Variants in ASAH2 observed in about 807,000 individuals in gnomAD.
The protein encoded by ASAH2 is neutral ceramidase.
ASAH2 carries 58 observed loss-of-function variants against 82.9 expected under a neutral mutation model. The observed-to-expected ratio is 0.70, with a 90% CI of 0.57 to 0.87. ASAH2 has a LOEUF of 0.87. Ranked by LOEUF, ASAH2 falls within the 40% of genes least tolerant of loss-of-function variation. The pLI is 0.00. For synonymous variants in ASAH2, 276 were observed against 289.7 expected, an observed-to-expected ratio of 0.95 and a Z score of 0.48; for missense variants, 779 against 834.0, an observed-to-expected ratio of 0.93 and a Z score of 0.81.
At chr10:50,239,041 C>A (rs1846229204) in intron 4 of ASAH2, among the ~76,000 whole-genome samples, 1 of 152,138 alleles carries the variant, frequency 6.6e-6, no homozygotes. Context: ...ACATTTATGT[C>A]TACCGCTCAC....
intron 8 of ASAH2, among the ~76,000 whole-genome samples, chr10:50,218,061 T>TTTCA (rs1265243712): frequency 6.6e-6 from 1 of 151,924 alleles, no homozygotes; most frequent in Non-Finnish European, 1.5e-5. Flanking sequence ...GAGGCAGAGG[T>TTTCA]TTCAATGAGC....
intron 4 of ASAH2, among the ~76,000 whole-genome samples, chr10:50,240,860 C>G (rs1450167450): frequency 6.6e-6 from 1 of 152,236 alleles, no homozygotes; most frequent in Non-Finnish European, 1.5e-5. Flanking sequence ...CATATGTCCA[C>G]AAAGTCTCAG....
intron 7 of ASAH2, among the ~76,000 whole-genome samples, chr10:50,221,207 C>T (rs1478450809): frequency 2.0e-5 from 3 of 152,034 alleles, no homozygotes. Flanking sequence ...GGTTTTGTCT[C>T]TTTCTCTTAG....
rs867373755 is a variant in ASAH2, at chr10:50,194,933, A to G, written c.2004+1840T>C. Reference sequence around the variant, plus strand: ...TAAATATAAAACCTGAAACTATAAAACAACTGAAAGAAAACCTAGAGGAAA... The same window carrying G: ...TAAATATAAAACCTGAAACTATAAAGCAACTGAAAGAAAACCTAGAGGAAA... On this transcript the variant is annotated intron_variant, in intron 18 of 20. Coordinates refer to ENST00000682911, the MANE Select transcript of ASAH2 (RefSeq NM_019893.4). 7.4e-3 allele frequency among the ~76,000 whole-genome samples: 1,123 copies of G among 151,678 alleles called. 13 individuals carry two copies. Among genetic ancestry groups the G allele is most frequent in the African/African-American group, 0.026 (1,075 of 41,432 alleles).
At chr10:50,244,195 A>G (rs2133233041) in intron 3 of ASAH2, among the ~76,000 whole-genome samples, 1 of 152,302 alleles carries the variant, frequency 6.6e-6, no homozygotes, top group South Asian at 2.1e-4. Context: ...GTATTTGGGA[A>G]CAAGATGTTG....
chr10:50,202,901 C>G lies in ASAH2; in HGVS notation c.1689G>C (p.Gln563His). 1 of 1,610,822 alleles carries G rather than the reference C, an allele frequency of 6.2e-7. No homozygotes were observed. Among genetic ancestry groups the G allele is most frequent in the Non-Finnish European group, 8.5e-7 (1 of 1,177,430 alleles). Residue 563 changes from glutamine (Q) to histidine (H), a missense_variant, in exon 16 of 21, where the codon CAG becomes CAC. Physicochemically the swap from Gln to His is conservative, Grantham distance 24. Coordinates refer to ENST00000682911, the MANE Select transcript of ASAH2 (RefSeq NM_019893.4). ...GACCTGAAATAACAACAGTCATGTT[C>G]TGCATCCCATGAGATGCAAATTCCT... ...VQAEFASHGM[Q>H]NMTVVISGLC...
intron 5 of ASAH2, 113 bp from the exon 6 acceptor site, chr10:50,234,665 G>T: frequency 7.0e-7 from 1 of 1,428,474 alleles, no homozygotes; most frequent in Non-Finnish European, 9.8e-7. Context: ...TCTCTAATGG[G>T]TCCACATTAC....
intron 7 of ASAH2, among the ~76,000 whole-genome samples, chr10:50,218,901 C>T (rs984671943): frequency 7.2e-5 from 11 of 152,126 alleles, no homozygotes; most frequent in African/African-American, 2.7e-4. Flanking sequence ...GGTCAGTTAC[C>T]AGATGACATA....
intron 9 of ASAH2, among the ~76,000 whole-genome samples, chr10:50,214,367 A>G (rs985091718): frequency 2.0e-5 from 3 of 152,206 alleles, no homozygotes; most frequent in African/African-American, 7.2e-5. Context: ...GTCTTATATT[A>G]AAAACCCTAT....
intron 18 of ASAH2, among the ~76,000 whole-genome samples, chr10:50,195,121 G>A (rs1271639393): frequency 6.7e-6 from 1 of 150,042 alleles, no homozygotes; most frequent in East Asian, 2.0e-4. Context: ...AAGAATGGGA[G>A]AAAACACTTG....
chr10:50,237,030 G>T (rs2133227265), intron 4 of ASAH2, among the ~76,000 whole-genome samples: 1 of 152,246 alleles, frequency 6.6e-6, no homozygotes, highest in Non-Finnish European at 1.5e-5. Flanking sequence ...AGAAAGTAGT[G>T]GGTGTTAGTG....
At position 50,214,506 on chromosome 10, in the gene ASAH2, G is replaced by C. The variant is rs1450277512; in HGVS notation, c.1140+237C>G. 2.0e-5 allele frequency among the ~76,000 whole-genome samples: 3 copies of C among 152,150 alleles called. No homozygotes were observed. The East Asian group carries it at 5.8e-4, about 29-fold the overall frequency. ...GGAAGGGTAGAGTTAATCTCTGACA[G>C]TTACTGAATTGTCTCACCATTCAAA... is the stretch of plus-strand genomic sequence containing the variant. On this transcript the variant is annotated intron_variant, in intron 9 of 20. Coordinates refer to ENST00000682911, the MANE Select transcript of ASAH2 (RefSeq NM_019893.4).
intron 4 of ASAH2, among the ~76,000 whole-genome samples, chr10:50,241,995 C>A (rs1846309724): frequency 6.6e-6 from 1 of 152,050 alleles, no homozygotes; most frequent in African/African-American, 2.4e-5. Context: ...TGTAACAAAA[C>A]TCCACGTTCT....
At chr10:50,210,497 T>C (rs1845423974) in intron 12 of ASAH2, among the ~76,000 whole-genome samples, 1 of 151,228 alleles carries the variant, frequency 6.6e-6, no homozygotes, top group Non-Finnish European at 1.5e-5. Context: ...CAAAATTCTG[T>C]CTCAAAAAAA....
In ASAH2 at chr10:50,243,217, T is replaced by C. The variant is rs770373985; in HGVS notation, c.495A>G (p.Gln165=). 1.2e-6 allele frequency: 2 copies of C among 1,614,068 alleles called. No homozygotes were observed. The highest frequency in any genetic ancestry group is 4.5e-5 in the East Asian group (2 of 44,886). Residue 165 remains glutamine, a synonymous_variant, in exon 4 of 21, where the codon CAA becomes CAG. Coordinates refer to ENST00000682911, the MANE Select transcript of ASAH2 (RefSeq NM_019893.4). The part of the protein sequence containing the change: ...FVSIDIGMVS[Q]RLRLEVLNRL... The stretch of plus-strand genomic sequence containing the variant: ...AATCACTTACCTCCAGCCTGAGCCT[T>C]TGTGATACCATGCCTATGTCGATGC...
chr10:50,238,493 C>T (rs1056980154), intron 4 of ASAH2, among the ~76,000 whole-genome samples: 3 of 152,140 alleles, frequency 2.0e-5, no homozygotes, highest in Non-Finnish European at 4.4e-5. Context: ...GTCCTAACTC[C>T]AGCCCCAATC....
At chr10:50,207,265 G>A (rs1435719499) in intron 12 of ASAH2, among the ~76,000 whole-genome samples, 1 of 151,772 alleles carries the variant, frequency 6.6e-6, no homozygotes, top group Non-Finnish European at 1.5e-5. Flanking sequence ...TCCACTTGAA[G>A]ATATTGGAAA....
At chr10:50,250,882 C>T (rs1846597009) in intron 1 of ASAH2, among the ~76,000 whole-genome samples, 1 of 152,196 alleles carries the variant, frequency 6.6e-6, no homozygotes, top group Admixed American at 6.5e-5. Context: ...AATGATCTAC[C>T]TCATGTGTTT....
At chr10:50,233,295 T>C (rs1846062722) in intron 6 of ASAH2, 34 bp from the exon 7 acceptor site, 1 of 1,476,134 alleles carries the variant, frequency 6.8e-7, no homozygotes, top group Non-Finnish European at 9.5e-7. Context: ...CAGTCAGTTC[T>C]GTGTTAGAGC....
Sources: allele counts gnomAD v4.1 joint callset (sites outside exome capture counted in the v4.1 genomes callset), GRCh38; gene constraint gnomAD v4.1.1; transcripts MANE v1.5; gene names NCBI Gene and HGNC (gene_info 2026-07-23, HGNC 2026-07-21).